The following CDK14 variants were observed in gnomAD, a reference collection of about 807,000 sequenced individuals.
The protein encoded by CDK14 is cyclin-dependent kinase 14.
Under a neutral mutation model 60.7 loss-of-function variants are expected in CDK14, and 34 were observed. That is an observed-to-expected ratio of 0.56 (90% CI 0.43 to 0.75). The LOEUF (loss-of-function observed/expected upper bound fraction) is 0.75, where lower values mean the gene tolerates loss of function less well. Ranked by LOEUF, CDK14 falls within the 30% of genes least tolerant of loss-of-function variation. The pLI is 0.00. For synonymous variants in CDK14, 197 were observed against 203.7 expected (o/e 0.97, Z 0.28); for missense variants, 482 against 564.1 (o/e 0.85, Z 1.47).
intron 3 of CDK14, among the ~76,000 whole-genome samples, chr7:90,728,599 AT>A (rs900592414): frequency 1.3e-5 from 2 of 151,328 alleles, no homozygotes; most frequent in East Asian, 1.9e-4. Flanking sequence ...AGCTTGGGGA[AT>A]TTTTTTTCCT....
intron 2 of CDK14, among the ~76,000 whole-genome samples, chr7:90,638,197 C>T (rs1800206917): frequency 1.3e-5 from 2 of 152,012 alleles, no homozygotes; most frequent in East Asian, 1.9e-4. Context: ...TTATTTTGCT[C>T]GTTAGTTGAT....
At chr7:90,782,816 A>G (rs1245942444) in intron 4 of CDK14, among the ~76,000 whole-genome samples, 2 of 152,178 alleles carry the variant, frequency 1.3e-5, no homozygotes, top group African/African-American at 2.4e-5. Flanking sequence ...TTGTCTCAAC[A>G]TAAGGAGGAA....
At chr7:91,062,300 C>T (rs1797825143) in intron 11 of CDK14, among the ~76,000 whole-genome samples, 1 of 152,152 alleles carries the variant, frequency 6.6e-6, no homozygotes. Context: ...CTGTCTGTCA[C>T]CCCTTTCCTT....
intron 2 of CDK14, among the ~76,000 whole-genome samples, chr7:90,638,723 T>C (rs929399904): frequency 2.6e-5 from 4 of 152,232 alleles, no homozygotes; most frequent in African/African-American, 9.6e-5. Flanking sequence ...TCCTGCAGAG[T>C]GTTTTCCAAC....
At chr7:91,170,934 T>C (rs1801497732) in intron 14 of CDK14, among the ~76,000 whole-genome samples, 1 of 151,952 alleles carries the variant, frequency 6.6e-6, no homozygotes, top group South Asian at 2.1e-4. Flanking sequence ...ACCCAGCTAA[T>C]TTTTGTATTT....
chr7:91,149,376 T>C lies in CDK14; in HGVS notation c.*28+31168T>C, dbSNP rs144395254. Among the ~76,000 whole-genome samples, 148 of 152,218 alleles carry C rather than the reference T, an allele frequency of 9.7e-4. 1 individual carries two copies. Among genetic ancestry groups the C allele is most frequent in the African/African-American group, 3.1e-3 (130 of 41,544 alleles). On this transcript the variant is annotated intron_variant, in intron 14 of 14. Coordinates refer to ENST00000380050, the MANE Select transcript of CDK14 (RefSeq NM_001287135.2). Reference sequence around the variant, plus strand: ...TTCCTTCTCTTCCCTTTGTGCCACCTTACTTGAGTACCCCATCCTCCCATG... The same window carrying C: ...TTCCTTCTCTTCCCTTTGTGCCACCCTACTTGAGTACCCCATCCTCCCATG...
chr7:90,764,779 A>G (rs1050339959), intron 4 of CDK14, among the ~76,000 whole-genome samples: 1 of 152,230 alleles, frequency 6.6e-6, no homozygotes, highest in Non-Finnish European at 1.5e-5. Context: ...TTTTTAAAAG[A>G]TATCTGTCTC....
intron 14 of CDK14, among the ~76,000 whole-genome samples, chr7:91,141,939 C>T (rs1039042773): frequency 6.6e-6 from 1 of 152,108 alleles, no homozygotes; most frequent in Non-Finnish European, 1.5e-5. Flanking sequence ...CATTCTTCTA[C>T]CTCAGCCTCC....
At chr7:90,650,277 T>A (rs1277417690) in intron 2 of CDK14, among the ~76,000 whole-genome samples, 1 of 152,206 alleles carries the variant, frequency 6.6e-6, no homozygotes, top group Non-Finnish European at 1.5e-5. Context: ...TGTCTGTTCA[T>A]GTCCTTTGCC....
At chr7:90,874,575 G>A in intron 6 of CDK14, among the ~76,000 whole-genome samples, 1 of 124,500 alleles carries the variant, frequency 8.0e-6, no homozygotes, top group South Asian at 2.7e-4. Context: ...AGGCCGGACT[G>A]CGGACTGCAG....
chr7:91,059,490 T>A (rs1457603859), intron 11 of CDK14, among the ~76,000 whole-genome samples: 1 of 152,194 alleles, frequency 6.6e-6, no homozygotes, highest in East Asian at 1.9e-4. Context: ...CTTTTAATTG[T>A]GATGTTAGGG....
At chr7:90,670,649 C>A (rs893165763) in intron 2 of CDK14, among the ~76,000 whole-genome samples, 5 of 146,796 alleles carry the variant, frequency 3.4e-5, no homozygotes, top group Admixed American at 6.9e-5. Flanking sequence ...AGAGCAGGAG[C>A]AAGAGAGAGT....
intron 2 of CDK14, among the ~76,000 whole-genome samples, chr7:90,683,660 G>A (rs1801369479): frequency 6.6e-6 from 1 of 152,210 alleles, no homozygotes; most frequent in African/African-American, 2.4e-5. Context: ...AATTAGCTGG[G>A]CGTCGTGGCA....
intron 2 of CDK14, among the ~76,000 whole-genome samples, chr7:90,688,540 A>T (rs1357076784): frequency 6.6e-6 from 1 of 152,164 alleles, no homozygotes; most frequent in Non-Finnish European, 1.5e-5. Context: ...TGACTTAAGG[A>T]TGCACGTTAA....
chr7:90,767,954 C>T (rs1316388202), intron 4 of CDK14, among the ~76,000 whole-genome samples: 1 of 152,176 alleles, frequency 6.6e-6, no homozygotes, highest in Non-Finnish European at 1.5e-5. Context: ...GCCAATTTTT[C>T]ATTATCTTTG....
intron 14 of CDK14, among the ~76,000 whole-genome samples, chr7:91,206,603 T>C (rs1802906551): frequency 6.6e-6 from 1 of 152,202 alleles, no homozygotes. Context: ...CAGGCATTAT[T>C]GGAAACACGC....
At chr7:91,120,558 G>A (rs892469019) in intron 14 of CDK14, among the ~76,000 whole-genome samples, 18 of 147,546 alleles carry the variant, frequency 1.2e-4, no homozygotes, top group Admixed American at 3.4e-4. Context: ...TTTTGAGATG[G>A]AGTTTCACTC....
chr7:90,664,019 G>T (rs1800919829), intron 2 of CDK14, among the ~76,000 whole-genome samples: 1 of 151,978 alleles, frequency 6.6e-6, no homozygotes, highest in Non-Finnish European at 1.5e-5. Context: ...TACAGAATGG[G>T]AGAAAATTTT....
At chr7:90,892,725 A>T (rs1562816194) in intron 6 of CDK14, among the ~76,000 whole-genome samples, 1 of 152,176 alleles carries the variant, frequency 6.6e-6, no homozygotes, top group South Asian at 2.1e-4. Context: ...AAATAACCAG[A>T]TAAATGCTAC....
Sources: allele counts gnomAD v4.1 joint callset (sites outside exome capture counted in the v4.1 genomes callset), GRCh38; gene constraint gnomAD v4.1.1; transcripts MANE v1.5; gene names NCBI Gene and HGNC (gene_info 2026-07-23, HGNC 2026-07-21).